NME7: variants seen among roughly 807,000 people sequenced by gnomAD.
NME7 encodes the protein nucleoside diphosphate kinase 7.
NME7 carries 41 observed loss-of-function variants against 49.1 expected under a neutral mutation model. That is an observed-to-expected ratio of 0.83 (90% confidence interval 0.65 to 1.08). NME7 has a LOEUF of 1.08. NME7 is among the 50% of genes least tolerant of loss of function. The probability of loss-of-function intolerance (pLI) is 0.00; values close to 1 mark genes in which losing one functional copy is unlikely to be tolerated. For missense variants in NME7, 423 were observed against 463.4 expected, an observed-to-expected ratio of 0.91 and a Z score of 0.80; for synonymous variants, 139 against 150.6, an observed-to-expected ratio of 0.92 and a Z score of 0.56.
At chr1:169,134,800 T>C (rs1005256238) in intron 11 of NME7, among the ~76,000 whole-genome samples, 3 of 151,456 alleles carry the variant, frequency 2.0e-5, no homozygotes, top group Non-Finnish European at 4.4e-5. Context: ...TAAAGAAAAA[T>C]AGTAAAATTT....
At chr1:169,133,111 T>C (rs1266610883) in intron 11 of NME7, among the ~76,000 whole-genome samples, 3 of 152,214 alleles carry the variant, frequency 2.0e-5, no homozygotes, top group Non-Finnish European at 4.4e-5. Context: ...TTGTTAGCAC[T>C]TCAGTTTTTA....
chr1:169,182,933 C>T lies in NME7; in HGVS notation c.991-13379G>A, dbSNP rs1188175989. ...GCCTATTTTAAGGAACCCCGAAGAA[C>T]ATCCTTTTGAAATCTAAGTAACCAC... On this transcript the variant is annotated intron_variant, in intron 10 of 11. Transcript: ENST00000367811. Among the ~76,000 whole-genome samples, 6 of 152,268 alleles carry T rather than the reference C, an allele frequency of 3.9e-5. No homozygotes were observed. In the South Asian group the frequency reaches 1.2e-3, roughly 32 times the overall value.
At chr1:169,298,155 A>G (rs1383886490) in intron 6 of NME7, among the ~76,000 whole-genome samples, 1 of 152,208 alleles carries the variant, frequency 6.6e-6, no homozygotes, top group African/African-American at 2.4e-5. Context: ...GGAAAATAAT[A>G]GGATGTTAAG....
intron 7 of NME7, among the ~76,000 whole-genome samples, chr1:169,276,079 T>C (rs1167104544): frequency 1.5e-5 from 2 of 134,116 alleles, no homozygotes; most frequent in Non-Finnish European, 3.5e-5. Flanking sequence ...GCTTGCTGGA[T>C]TCAGTTTGCC....
intron 7 of NME7, among the ~76,000 whole-genome samples, chr1:169,251,572 T>TTTTA (rs1553250311): frequency 1.5e-5 from 2 of 132,254 alleles, no homozygotes; most frequent in Admixed American, 7.6e-5. Context: ...TTTTTTTTTT[T>TTTTA]ATTATACTTT....
intron 1 of NME7, among the ~76,000 whole-genome samples, chr1:169,362,997 T>C (rs138356170): frequency 1.2e-3 from 189 of 152,000 alleles, no homozygotes; most frequent in African/African-American, 4.2e-3. Flanking sequence ...CCCAACACTT[T>C]GAGAGGCCAA....
intron 6 of NME7, among the ~76,000 whole-genome samples, chr1:169,294,501 G>C (rs928478482): frequency 6.6e-6 from 1 of 152,138 alleles, no homozygotes; most frequent in Non-Finnish European, 1.5e-5. Flanking sequence ...ATAACTAATA[G>C]GAATTCAAGG....
chr1:169,226,715 T>A (rs1011253970), intron 10 of NME7, among the ~76,000 whole-genome samples: 1 of 152,198 alleles, frequency 6.6e-6, no homozygotes, highest in African/African-American at 2.4e-5. Context: ...TTTGTTATTA[T>A]AAAAGTAATA....
intron 10 of NME7, among the ~76,000 whole-genome samples, chr1:169,172,278 T>C (rs1482182980): frequency 2.9e-5 from 3 of 101,706 alleles, no homozygotes; most frequent in Admixed American, 1.0e-4. Flanking sequence ...GTAACAAAAC[T>C]AAAAAAAAAC....
At position 169,146,527 on chromosome 1, in the gene NME7, C is replaced by G. The variant is rs76690332; in HGVS notation, c.1099-13710G>C. On this transcript the variant is annotated intron_variant, in intron 11 of 11. Coordinates refer to ENST00000367811, the MANE Select transcript of NME7 (RefSeq NM_013330.5). Reference sequence around the variant, plus strand: ...TACATATTCTTTAAATCCCAGTGACCTCTTCCCAGGGGTTAAATCAGAGGA... The same window carrying G: ...TACATATTCTTTAAATCCCAGTGACGTCTTCCCAGGGGTTAAATCAGAGGA... 4.8e-4 allele frequency among the ~76,000 whole-genome samples: 73 copies of G among 152,302 alleles called. 1 individual carries two copies. In the East Asian group the frequency reaches 0.013, roughly 26 times the overall value.
In NME7 at chr1:169,355,162, G is replaced by T. The variant is rs36170112; in HGVS notation, c.3+12546C>A. ...AATATATAATATACTATATATTATA[G>T]ATATAATATATAATATACTATATAT... On this transcript the variant is annotated intron_variant, in intron 1 of 11. Coordinates refer to ENST00000367811, the MANE Select transcript of NME7 (RefSeq NM_013330.5). 2.8e-3 allele frequency among the ~76,000 whole-genome samples: 76 copies of T among 26,864 alleles called. 18 individuals carry two copies. In the East Asian group the frequency reaches 0.037, roughly 13 times the overall value. 17.6% of individuals were successfully genotyped at this position (26,864 alleles called of 152,430 possible). A position where few individuals can be genotyped will look rare whatever the true frequency, so the allele number is the denominator to read the frequency against.
chr1:169,245,669 T>G (rs1294451757), intron 7 of NME7, among the ~76,000 whole-genome samples: 1 of 152,214 alleles, frequency 6.6e-6, no homozygotes, highest in Non-Finnish European at 1.5e-5. Context: ...GGATATGATT[T>G]CCTTTAAAAT....
intron 1 of NME7, among the ~76,000 whole-genome samples, chr1:169,361,484 A>G (rs1410544029): frequency 6.6e-6 from 1 of 152,192 alleles, no homozygotes; most frequent in Non-Finnish European, 1.5e-5. Context: ...CTGGATGACT[A>G]AAAAGCAGAT....
intron 11 of NME7, among the ~76,000 whole-genome samples, chr1:169,153,881 T>A (rs10919078): frequency 0.096 from 14,488 of 150,324 alleles, 920 homozygotes; most frequent in Admixed American, 0.2. Context: ...TTTTTTTTTT[T>A]ATTTTTTGTA....
At chr1:169,232,912 C>CTTTTTTTT (rs10545228) in intron 9 of NME7, among the ~76,000 whole-genome samples, 41 of 74,536 alleles carry the variant, frequency 5.5e-4, no homozygotes, top group East Asian at 8.5e-4. Context: ...GTTTTCTTTT[C>CTTTTTTTT]TTTTTTTTTT....
At chr1:169,315,091 CA>C (rs1558035562) in intron 3 of NME7, among the ~76,000 whole-genome samples, 4 of 151,870 alleles carry the variant, frequency 2.6e-5, no homozygotes, top group African/African-American at 9.7e-5. Context: ...ATGATAATTA[CA>C]TTAGAAAATT....
chr1:169,290,369 C>T (rs1464467459), intron 6 of NME7, among the ~76,000 whole-genome samples: 3 of 152,116 alleles, frequency 2.0e-5, no homozygotes, highest in Non-Finnish European at 2.9e-5. Context: ...CACACATCTC[C>T]AACCATCTGA....
intron 1 of NME7, among the ~76,000 whole-genome samples, chr1:169,335,906 C>A (rs934435851): frequency 1.3e-5 from 2 of 151,738 alleles, no homozygotes; most frequent in Non-Finnish European, 2.9e-5. Context: ...AGGAAATTTT[C>A]ACTTTGCCTT....
chr1:169,225,786 C>T (rs1647307015), intron 10 of NME7, among the ~76,000 whole-genome samples: 1 of 152,120 alleles, frequency 6.6e-6, no homozygotes, highest in Non-Finnish European at 1.5e-5. Flanking sequence ...AGCATTCCTT[C>T]CAGCTATAAG....
Sources: gnomAD v4.1 joint callset for allele counts (sites outside exome capture counted in the v4.1 genomes callset) on GRCh38, gnomAD v4.1.1 for gene constraint, MANE v1.5 for transcripts, NCBI Gene and HGNC (gene_info 2026-07-23, HGNC 2026-07-21) for gene names.